MARCHF1: variants seen among roughly 807,000 people sequenced by gnomAD.
MARCHF1 encodes the protein membrane associated ring-CH-type finger 1.
Under a neutral mutation model 54.2 loss-of-function variants are expected in MARCHF1, and 40 were observed. The observed-to-expected ratio is 0.74, with a 90% CI of 0.57 to 0.96. The LOEUF is 0.96. Ranked by LOEUF, MARCHF1 falls within the 40% of genes least tolerant of loss-of-function variation. The pLI, the probability that MARCHF1 is intolerant of heterozygous loss-of-function variation, is 0.00. For synonymous variants in MARCHF1, 236 were observed against 236.3 expected, an observed-to-expected ratio of 1.00 and a Z score of 0.01; for missense variants, 586 against 656.5, an observed-to-expected ratio of 0.89 and a Z score of 1.17.
At chr4:163,994,303 A>T (rs28652951) in intron 2 of MARCHF1, among the ~76,000 whole-genome samples, 2,425 of 83,724 alleles carry the variant, frequency 0.029, 33 homozygotes, top group African/African-American at 0.066. Context: ...TGTGTGTGTG[A>T]GTGTGGTGGG....
chr4:164,039,804 G>T (rs1187302320), intron 2 of MARCHF1, among the ~76,000 whole-genome samples: 4 of 151,786 alleles, frequency 2.6e-5, no homozygotes, highest in Non-Finnish European at 5.9e-5. Flanking sequence ...AAATGGAAGT[G>T]GTCTTTACTG....
intron 1 of MARCHF1, among the ~76,000 whole-genome samples, chr4:164,379,469 A>T (rs1247251593): frequency 6.6e-6 from 1 of 152,224 alleles, no homozygotes; most frequent in Admixed American, 6.5e-5. Context: ...ATAGTCAAGA[A>T]TTCACCAATG....
At chr4:163,557,260 G>A (rs1373928698) in intron 8 of MARCHF1, among the ~76,000 whole-genome samples, 6 of 152,140 alleles carry the variant, frequency 3.9e-5, no homozygotes, top group Non-Finnish European at 8.8e-5. Flanking sequence ...CTGGGTGATG[G>A]GAGAAAGTGT....
rs543352281 is a variant in MARCHF1, at chr4:163,721,293, G to C, written c.112-20430C>G. Among the ~76,000 whole-genome samples the C allele has an allele frequency of 2.8e-4, 42 of 152,262 alleles. 1 individual carries two copies. In the South Asian group the frequency reaches 8.3e-3, roughly 30 times the overall value. ...CTGCATTTATTGAGATAATCCTGTG[G>C]TTTTTGTCTTTGGTTCTGTTTATAT... On this transcript the variant is annotated intron_variant, in intron 4 of 9. Coordinates refer to ENST00000514618, the MANE Select transcript of MARCHF1 (RefSeq NM_001394959.1).
chr4:163,914,804 T>C (rs1751270879), intron 3 of MARCHF1, among the ~76,000 whole-genome samples: 2 of 152,210 alleles, frequency 1.3e-5, no homozygotes, highest in African/African-American at 2.4e-5. Flanking sequence ...GTCATATTTT[T>C]CCCTGTAGGT....
intron 1 of MARCHF1, among the ~76,000 whole-genome samples, chr4:164,297,980 A>G (rs1358148512): frequency 6.6e-6 from 1 of 152,152 alleles, no homozygotes; most frequent in Non-Finnish European, 1.5e-5. Context: ...ATATAACTTC[A>G]TAAGACAAGT....
chr4:163,972,479 T>G (rs1280577451), intron 3 of MARCHF1, among the ~76,000 whole-genome samples: 4 of 152,230 alleles, frequency 2.6e-5, no homozygotes, highest in South Asian at 2.1e-4. Flanking sequence ...AATGCACTAT[T>G]AAGTACTATA....
At chr4:164,333,519 A>G (rs1047378433) in intron 1 of MARCHF1, among the ~76,000 whole-genome samples, 3 of 152,232 alleles carry the variant, frequency 2.0e-5, no homozygotes, top group African/African-American at 7.2e-5. Context: ...AATTGTAGTC[A>G]TTTGGGGGCA....
chr4:164,146,977 GA>G (rs899432207), intron 1 of MARCHF1, among the ~76,000 whole-genome samples: 9 of 150,790 alleles, frequency 6.0e-5, no homozygotes, highest in Non-Finnish European at 1.0e-4. Flanking sequence ...AAATTTACAA[GA>G]AAAAAACAAA....
intron 1 of MARCHF1, among the ~76,000 whole-genome samples, chr4:164,357,240 C>T (rs1730584486): frequency 1.3e-5 from 2 of 152,100 alleles, no homozygotes; most frequent in African/African-American, 4.8e-5. Flanking sequence ...AGGGCTCATT[C>T]ATTTTTCGCG....
intron 1 of MARCHF1, among the ~76,000 whole-genome samples, chr4:164,304,446 A>C (rs1014731965): frequency 6.6e-6 from 1 of 152,182 alleles, no homozygotes; most frequent in Non-Finnish European, 1.5e-5. Context: ...CCACTCCTTC[A>C]TATCTGCACT....
intron 3 of MARCHF1, among the ~76,000 whole-genome samples, chr4:163,981,917 G>A (rs748397319): frequency 2.6e-5 from 4 of 152,122 alleles, no homozygotes; most frequent in Non-Finnish European, 5.9e-5. Flanking sequence ...ACACCAGGGA[G>A]GAGTTTCAAC....
intron 3 of MARCHF1, among the ~76,000 whole-genome samples, chr4:163,930,807 G>C (rs1560824244): frequency 6.6e-6 from 1 of 152,116 alleles, no homozygotes; most frequent in Non-Finnish European, 1.5e-5. Flanking sequence ...TGACTTTAAA[G>C]TTGATGCTGA....
chr4:164,330,270 A>G (rs1735400427), intron 1 of MARCHF1: 1 of 152,068 alleles, frequency 6.6e-6, no homozygotes, highest in Non-Finnish European at 1.5e-5. Flanking sequence ...CTCAGAGCCT[A>G]CACATTCTTT....
At chr4:163,728,669 A>G (rs1432891826) in intron 4 of MARCHF1, among the ~76,000 whole-genome samples, 1 of 152,226 alleles carries the variant, frequency 6.6e-6, no homozygotes, top group Non-Finnish European at 1.5e-5. Context: ...CCTCACAATA[A>G]TCACTTCCTA....
At chr4:163,765,949 A>G in intron 4 of MARCHF1, among the ~76,000 whole-genome samples, 1 of 148,162 alleles carries the variant, frequency 6.7e-6, no homozygotes, top group East Asian at 1.9e-4. Context: ...TATATATAAT[A>G]TATAGTGTTC....
At chr4:163,872,810 A>T (rs1009944348) in intron 3 of MARCHF1, among the ~76,000 whole-genome samples, 2 of 151,796 alleles carry the variant, frequency 1.3e-5, no homozygotes, top group Non-Finnish European at 2.9e-5. Context: ...TTTGGGAGGC[A>T]GAGGCGGGCG....
chr4:164,188,947 T>C (rs1190051011), intron 1 of MARCHF1: 6 of 750,848 alleles, frequency 8.0e-6, no homozygotes, highest in Non-Finnish European at 1.5e-5. Flanking sequence ...TTGGAACTAT[T>C]GCTGAGCTAA....
chr4:164,286,629 A>G (rs1734153057), intron 1 of MARCHF1, among the ~76,000 whole-genome samples: 1 of 151,692 alleles, frequency 6.6e-6, no homozygotes, highest in Non-Finnish European at 1.5e-5. Flanking sequence ...TGTGCTCAAA[A>G]TATGTACTGT....
Sources: gnomAD v4.1 joint callset for allele counts (sites outside exome capture counted in the v4.1 genomes callset) on GRCh38, gnomAD v4.1.1 for gene constraint, MANE v1.5 for transcripts, NCBI Gene and HGNC (gene_info 2026-07-23, HGNC 2026-07-21) for gene names.